Variants in SCN8A observed in about 807,000 individuals in gnomAD.
SCN8A encodes the protein sodium channel protein type 8 subunit alpha.
In SCN8A, 30 loss-of-function variants were observed where a neutral mutation model predicts 184.1. The ratio of observed to expected loss-of-function variants is 0.16; its 90% CI spans 0.12 to 0.22. SCN8A has a LOEUF of 0.22. Ranked by LOEUF, SCN8A falls within the 10% of genes least tolerant of loss-of-function variation. The pLI, the probability that SCN8A is intolerant of heterozygous loss-of-function variation, is 1.00. For missense variants in SCN8A, 1,057 were observed against 2,498.9 expected (o/e 0.42, Z 12.30); for synonymous variants, 852 against 907.0 (o/e 0.94, Z 1.09).
intron 1 of SCN8A, among the ~76,000 whole-genome samples, chr12:51,619,237 A>G (rs1939910856): frequency 1.3e-5 from 2 of 152,234 alleles, no homozygotes; most frequent in South Asian, 4.1e-4. Context: ...GCAGCTGTGC[A>G]GAATGCCATT....
At chr12:51,746,101 A>T in intron 13 of SCN8A, 66 bp downstream of exon 13, 1 of 1,420,464 alleles carries the variant, frequency 7.0e-7, no homozygotes, top group Non-Finnish European at 9.4e-7. Context: ...GGTAAATATA[A>T]TCCCTGTCCC....
chr12:51,593,628 G>A (rs1390679243), intron 1 of SCN8A, among the ~76,000 whole-genome samples: 2 of 152,098 alleles, frequency 1.3e-5, no homozygotes, highest in Admixed American at 6.6e-5. Context: ...GGTGCTGAAA[G>A]GACAGTTCCC....
intron 1 of SCN8A, among the ~76,000 whole-genome samples, chr12:51,640,978 G>A (rs1019529230): frequency 6.6e-6 from 1 of 152,176 alleles, no homozygotes; most frequent in African/African-American, 2.4e-5. Flanking sequence ...AATGTCTCAG[G>A]GAAAAGTGTA....
intron 1 of SCN8A, among the ~76,000 whole-genome samples, chr12:51,621,512 G>GT (rs1220391852): frequency 1.3e-5 from 2 of 152,250 alleles, no homozygotes; most frequent in Non-Finnish European, 2.9e-5. Flanking sequence ...TTACCCATTA[G>GT]TTCTGATGTC....
chr12:51,642,623 A>G (rs1592349152), intron 1 of SCN8A, among the ~76,000 whole-genome samples: 1 of 152,038 alleles, frequency 6.6e-6, no homozygotes, highest in Admixed American at 6.5e-5. Flanking sequence ...TTATAGTTGT[A>G]TACCACTTTG....
intron 2 of SCN8A, among the ~76,000 whole-genome samples, chr12:51,681,291 G>A (rs918425254): frequency 1.4e-4 from 21 of 152,188 alleles, no homozygotes; most frequent in African/African-American, 5.1e-4. Context: ...CTCGAAGCTC[G>A]GCATAACATG....
intron 26 of SCN8A, among the ~76,000 whole-genome samples, chr12:51,800,780 A>C (rs931514704): frequency 1.3e-4 from 20 of 152,312 alleles, no homozygotes; most frequent in African/African-American, 4.3e-4. Context: ...GCTCAGAGCC[A>C]GTGTCCAGTG....
intron 6 of SCN8A, among the ~76,000 whole-genome samples, chr12:51,697,998 C>T (rs945623614): frequency 3.9e-5 from 6 of 152,108 alleles, no homozygotes; most frequent in Non-Finnish European, 7.4e-5. Flanking sequence ...GGATTACAGG[C>T]GTATGCCACC....
At chr12:51,595,391 G>A (rs1164803729) in intron 1 of SCN8A, among the ~76,000 whole-genome samples, 1 of 152,224 alleles carries the variant, frequency 6.6e-6, no homozygotes, top group Non-Finnish European at 1.5e-5. Context: ...CCTTTGTGAA[G>A]TTATGGAGAC....
chr12:51,721,218 C>G (rs961071715), intron 11 of SCN8A, among the ~76,000 whole-genome samples: 2 of 149,930 alleles, frequency 1.3e-5, no homozygotes, highest in African/African-American at 2.5e-5. Flanking sequence ...AAGACACCTC[C>G]TCTGAGCCCA....
intron 12 of SCN8A, among the ~76,000 whole-genome samples, chr12:51,734,160 T>C (rs1942286340): frequency 6.6e-6 from 1 of 152,212 alleles, no homozygotes; most frequent in South Asian, 2.1e-4. Flanking sequence ...CATTAGGTTA[T>C]TAATTTGAAG....
At chr12:51,730,064 G>A (rs1382635817) in intron 12 of SCN8A, among the ~76,000 whole-genome samples, 2 of 151,846 alleles carry the variant, frequency 1.3e-5, no homozygotes, top group Non-Finnish European at 2.9e-5. Flanking sequence ...TGTTAATGAA[G>A]TTCAGTATAT....
At chr12:51,740,479 G>T (rs1942404371) in intron 12 of SCN8A, among the ~76,000 whole-genome samples, 2 of 152,136 alleles carry the variant, frequency 1.3e-5, no homozygotes, top group South Asian at 4.2e-4. Context: ...ATTGATTTCT[G>T]GTTTTATTCA....
At chr12:51,755,073 C>T (rs1447180982) in intron 14 of SCN8A, among the ~76,000 whole-genome samples, 1 of 151,968 alleles carries the variant, frequency 6.6e-6, no homozygotes, top group Non-Finnish European at 1.5e-5. Flanking sequence ...CCAGTTTTAC[C>T]ATAGGCCAGT....
At chr12:51,780,155 G>A (rs1460679184) in intron 20 of SCN8A, 1 of 448,346 alleles carries the variant, frequency 2.2e-6, no homozygotes, top group African/African-American at 2.0e-5. Flanking sequence ...CTGAGGAGGG[G>A]GCAGCTTGTG....
chr12:51,798,589 A>G (rs1411056838), intron 26 of SCN8A, among the ~76,000 whole-genome samples: 1 of 152,176 alleles, frequency 6.6e-6, no homozygotes, highest in Admixed American at 6.5e-5. Context: ...GTGGGAGTCC[A>G]TGTTGGTGAG....
chr12:51,733,920 C>T (rs1213626596), intron 12 of SCN8A, among the ~76,000 whole-genome samples: 5 of 152,008 alleles, frequency 3.3e-5, no homozygotes, highest in African/African-American at 1.2e-4. Context: ...GTAATGTTTC[C>T]CTTTTCATTT....
Position 51,717,001 on chromosome 12 carries a change from A to G in SCN8A, c.1636-4545A>G, listed in dbSNP as rs571562806. ...CTTCCAAAATTATTCAAACTCCCCA[A>G]TCCTAAACTTGCTCAGACTTACCTA... On this transcript the variant is annotated intron_variant, in intron 11 of 26. Transcript: ENST00000627620. Among the ~76,000 whole-genome samples the G allele has an allele frequency of 1.1e-4, 17 of 152,156 alleles. No individual in the cohort carries two copies. In the South Asian group the frequency reaches 2.9e-3, roughly 26 times the overall value.
rs1324401898 is a variant in SCN8A, at chr12:51,769,928, G to A, written c.3433G>A (p.Glu1145Lys). Residue 1145 changes from glutamate to lysine, a missense_variant, in exon 18 of 27, where the codon GAG (glutamate) becomes AAG (lysine). By Grantham distance (56) the Glu-to-Lys change is moderately conservative (BLOSUM62 1). Coordinates refer to ENST00000627620, the MANE Select transcript of SCN8A (RefSeq NM_001330260.2). ...STIDIKPEVE[E>K]VPVEQPEEYL... ...CATTGATATCAAACCAGAAGTAGAA[G>A]AGGTCCCTGTGGAACAGCCTGAGGA... The A allele has an allele frequency of 5.0e-6, 8 of 1,608,618 alleles. No homozygotes were observed.
Sources: allele counts gnomAD v4.1 joint callset (sites outside exome capture counted in the v4.1 genomes callset), GRCh38; gene constraint gnomAD v4.1.1; transcripts MANE v1.5; gene names NCBI Gene and HGNC (gene_info 2026-07-23, HGNC 2026-07-21).